The following CCDC27 variants were observed in gnomAD, a reference collection of about 807,000 sequenced individuals.
The protein encoded by CCDC27 is coiled-coil domain-containing protein 27.
A neutral mutation model predicts 80.3 loss-of-function variants in CCDC27; 80 were observed. The ratio of observed to expected loss-of-function variants is 1.00; its 90% CI spans 0.83 to 1.20. CCDC27 has a LOEUF of 1.20. CCDC27 is among the 50% of genes most tolerant of loss of function. The pLI, the probability that CCDC27 is intolerant of heterozygous loss-of-function variation, is 0.00. For synonymous variants in CCDC27, 342 were observed against 334.3 expected (o/e 1.02, Z -0.25); for missense variants, 815 against 809.4 (o/e 1.01, Z -0.08).
intron 4 of CCDC27, 73 bp downstream of exon 4, chr1:3,756,963 T>C: frequency 6.6e-7 from 1 of 1,511,110 alleles, no homozygotes; most frequent in Non-Finnish European, 9.0e-7. Flanking sequence ...ACAGCCCTGC[T>C]CCCTGACAGG....
At chr1:3,754,758 C>G (rs1570699368) in intron 2 of CCDC27, among the ~76,000 whole-genome samples, 1 of 148,210 alleles carries the variant, frequency 6.7e-6, no homozygotes, top group Non-Finnish European at 1.5e-5. Flanking sequence ...GCTCCTGGAC[C>G]TGGACTGGTT....
rs919041946 is a variant in CCDC27, at chr1:3,768,288, G to A, written c.1743+843G>A. Among the ~76,000 whole-genome samples, 2 of 151,892 alleles carry A rather than the reference G, an allele frequency of 1.3e-5. No individual in the cohort carries two copies. The highest frequency in any genetic ancestry group is 4.8e-5 in the African/African-American group (2 of 41,354). Reference sequence around the variant, plus strand: ...AATTTTAAAAGCTTTTTGTAGAGACGGTCTCACTATGCTGTCCAGGCTGGT... The same window carrying A: ...AATTTTAAAAGCTTTTTGTAGAGACAGTCTCACTATGCTGTCCAGGCTGGT... On this transcript the variant is annotated intron_variant, in intron 10 of 11. Transcript: ENST00000294600. This position sits in a 1 kb window ranked among gnomAD's most constrained non-coding sequence, Gnocchi z 5.6.
In CCDC27 at chr1:3,766,594, C is replaced by T; in HGVS notation, c.1512C>T (p.Asp504=). 1 of 1,613,688 alleles carries T rather than the reference C, an allele frequency of 6.2e-7. No individual in the cohort carries two copies. Among genetic ancestry groups the T allele is most frequent in the Non-Finnish European group, 8.5e-7 (1 of 1,179,822 alleles). ...AGATGATGGGGCTCATTGAAAAGGA[C>T]AACCAGCTCCTCCGACAGGTGACAG... ...HQEMMGLIEK[D]NQLLRQQVSE... The change falls in exon 9 of 12, where the codon GAC becomes GAT. Residue 504 remains aspartate, a synonymous_variant. Coordinates refer to ENST00000294600, the MANE Select transcript of CCDC27 (RefSeq NM_152492.3). The surrounding 1 kb of genome is among the most constrained non-coding windows in gnomAD (Gnocchi z 6.1).
chr1:3,771,091 C>T (rs1403523554), intron 11 of CCDC27, among the ~76,000 whole-genome samples: 3 of 152,168 alleles, frequency 2.0e-5, no homozygotes, highest in Non-Finnish European at 4.4e-5. Context: ...CAGGCTTCTG[C>T]GGGCTGGTGG....
Position 3,766,648 on chromosome 1 carries a change from C to T in CCDC27, c.1530+36C>T. ...GGGTGTCGTTAAATGATCAGCCAGG[C>T]CACTGTTCTTACTGTAAGTCCCAAC... On this transcript the variant is annotated intron_variant, in intron 9 of 11. Transcript: ENST00000294600. The surrounding 1 kb of genome is among the most constrained non-coding windows in gnomAD (Gnocchi z 6.1). 6.4e-7 allele frequency: 1 copy of T among 1,558,880 alleles called. No homozygotes were observed. Among genetic ancestry groups the T allele is most frequent in the East Asian group, 2.2e-5 (1 of 44,654 alleles).
Position 3,763,945 on chromosome 1 carries a change from C to A in CCDC27, c.1452+109C>A, listed in dbSNP as rs905264093. 4.1e-6 allele frequency: 6 copies of A among 1,468,494 alleles called. No homozygotes were observed. The African/African-American group carries it at 8.5e-5, about 21-fold the overall frequency. 91.0% of individuals were successfully genotyped at this position (1,468,494 alleles called of 1,614,324 possible). On this transcript the variant is annotated intron_variant, in intron 8 of 11. Coordinates refer to ENST00000294600, the MANE Select transcript of CCDC27 (RefSeq NM_152492.3). This position sits in a 1 kb window ranked among gnomAD's most constrained non-coding sequence, Gnocchi z 7.5. ...TGCCCGTCCCATCTACTGATGGAGA[C>A]TTTGAGCCTGGGGTGTCCAGGCAGC... is the stretch of plus-strand genomic sequence containing the variant.
At chr1:3,754,043 C>T (rs771774149) in intron 1 of CCDC27, 75 bp from the exon 2 acceptor site, 1 of 1,566,382 alleles carries the variant, frequency 6.4e-7, no homozygotes, top group Non-Finnish European at 8.7e-7. Flanking sequence ...TTTAGGGAAA[C>T]AGGGTCTGCC....
intron 10 of CCDC27, 98 bp downstream of exon 10, chr1:3,767,543 T>C (rs1181872): frequency 9.3e-7 from 1 of 1,079,588 alleles, no homozygotes; most frequent in Non-Finnish European, 1.3e-6. Flanking sequence ...CCGGGGTCTG[T>C]GTACGCTGGG....
Position 3,769,980 on chromosome 1 carries a change from C to A in CCDC27, c.1848+93C>A. On this transcript the variant is annotated intron_variant, in intron 11 of 11. Coordinates refer to ENST00000294600, the MANE Select transcript of CCDC27 (RefSeq NM_152492.3). The surrounding 1 kb of genome is among the most constrained non-coding windows in gnomAD (Gnocchi z 4.6). ...TTGTGGGGGGCCTAGATTCCAGGGA[C>A]TCTGTTCTCATCCTACCTGTGTCAC... is the stretch of plus-strand genomic sequence containing the variant. The A allele has an allele frequency of 2.3e-6, 2 of 887,258 alleles. No homozygotes were observed. The highest frequency in any genetic ancestry group is 1.3e-5 in the South Asian group (1 of 75,236). The allele number at this position is 887,258 out of a possible 1,614,324, so 55.0% of individuals were successfully genotyped here.
In CCDC27 at chr1:3,766,425, G is replaced by A. The variant is rs575647152; in HGVS notation, c.1453-110G>A. The A allele has an allele frequency of 1.0e-4, 66 of 656,556 alleles. No individual in the cohort carries two copies. Among genetic ancestry groups the A allele is most frequent in the Non-Finnish European group, 1.5e-4 (56 of 376,614 alleles). 40.7% of individuals were successfully genotyped at this position (656,556 alleles called of 1,614,324 possible). On this transcript the variant is annotated intron_variant, in intron 8 of 11. Coordinates refer to ENST00000294600, the MANE Select transcript of CCDC27 (RefSeq NM_152492.3). This position sits in a 1 kb window ranked among gnomAD's most constrained non-coding sequence, Gnocchi z 6.1. ...TCTCCCTGCCTTCAATAGAAATCCC[G>A]CTGCTATTATTTTAGGGAGCTTTGG...
At chr1:3,762,904 T>C (rs1237625686) in intron 6 of CCDC27, 192 bp downstream of exon 6, 5 of 788,880 alleles carry the variant, frequency 6.3e-6, no homozygotes, top group Admixed American at 5.9e-5. Context: ...TGCAGTCTAC[T>C]GACAGAGGGA....
chr1:3,756,962 C>T (rs944486010), intron 4 of CCDC27, 72 bp downstream of exon 4: 8 of 1,513,602 alleles, frequency 5.3e-6, no homozygotes, highest in African/African-American at 2.7e-5. Context: ...GACAGCCCTG[C>T]TCCCTGACAG....
chr1:3,762,060 C>T (rs1643100421), intron 5 of CCDC27, among the ~76,000 whole-genome samples: 1 of 152,156 alleles, frequency 6.6e-6, no homozygotes, highest in Non-Finnish European at 1.5e-5. Context: ...CGAGGCAGGT[C>T]TGTGTTGTGC....
chr1:3,755,399 A>G (rs1289447220), intron 2 of CCDC27, 58 bp from the exon 3 acceptor site: 2 of 1,409,208 alleles, frequency 1.4e-6, no homozygotes, highest in Non-Finnish European at 2.0e-6. Flanking sequence ...TCTGCCCTGG[A>G]GATCTTGGGG....
At chr1:3,758,691 G>A (rs1643018523) in intron 4 of CCDC27, among the ~76,000 whole-genome samples, 1 of 152,184 alleles carries the variant, frequency 6.6e-6, no homozygotes, top group African/African-American at 2.4e-5. Flanking sequence ...ACCTCCCAGG[G>A]TTCAAGCAAT....
rs11806371 is a variant in CCDC27, at chr1:3,763,322, C to G, written c.1169C>G (p.Pro390Arg). 10 of 1,611,646 alleles carry G rather than the reference C, an allele frequency of 6.2e-6. No individual in the cohort carries two copies. Among genetic ancestry groups the G allele is most frequent in the African/African-American group, 5.3e-5 (4 of 74,880 alleles). The change falls in exon 7 of 12, where the codon CCG (proline) becomes CGG (arginine). Residue 390 changes from proline (P) to arginine (R), a missense_variant. Coordinates refer to ENST00000294600, the MANE Select transcript of CCDC27 (RefSeq NM_152492.3). This position sits in a 1 kb window ranked among gnomAD's most constrained non-coding sequence, Gnocchi z 7.5. ...GAGGACTCAGAGGAAAGGGAGCTGC[C>G]GGAGGAAGAGGAGATCCCCAGGAGA... Reference protein sequence around the residue: ...RDEDSEERELPEEEEIPRRRA... With the variant: ...RDEDSEERELREEEEIPRRRA...
chr1:3,754,497 T>G (rs1642906054), intron 2 of CCDC27, among the ~76,000 whole-genome samples: 1 of 152,084 alleles, frequency 6.6e-6, no homozygotes. Flanking sequence ...TTCTATTGTT[T>G]CACCCACTAA....
At position 3,763,246 on chromosome 1, in the gene CCDC27, G is replaced by A. The variant is rs374982967; in HGVS notation, c.1093G>A (p.Val365Met). The A allele has an allele frequency of 5.2e-5, 82 of 1,566,778 alleles. No homozygotes were observed. Among genetic ancestry groups the A allele is most frequent in the Non-Finnish European group, 6.7e-5 (77 of 1,155,214 alleles). ...GGGAGGTGTGAGCCAGATGGGATCC[G>A]TGCATGAGGAGGGAAGCGAGGAGGA... ...AWGGVSQMGS[V>M]HEEGSEEEEE... Residue 365 changes from valine (V) to methionine (M), a missense_variant, in exon 7 of 12, where the codon GTG (valine) becomes ATG (methionine). By Grantham distance (21) the Val-to-Met change is conservative (BLOSUM62 1). Transcript: ENST00000294600. The surrounding 1 kb of genome is among the most constrained non-coding windows in gnomAD (Gnocchi z 7.5).
chr1:3,753,890 G>A (rs965885946), intron 1 of CCDC27, among the ~76,000 whole-genome samples: 3 of 152,120 alleles, frequency 2.0e-5, no homozygotes, highest in Non-Finnish European at 2.9e-5. Flanking sequence ...AGAAGCTCTC[G>A]GTGGGCAGCC....
Sources: allele counts gnomAD v4.1 joint callset (sites outside exome capture counted in the v4.1 genomes callset), GRCh38; gene constraint gnomAD v4.1.1; non-coding constraint Gnocchi (gnomAD v3.1); transcripts MANE v1.5; gene names NCBI Gene and HGNC (gene_info 2026-07-23, HGNC 2026-07-21).